The following VPS37A variants were observed in gnomAD, a reference collection of about 807,000 sequenced individuals.
The protein encoded by VPS37A is vacuolar protein sorting-associated protein 37A.
Under a neutral mutation model 49.8 loss-of-function variants are expected in VPS37A, and 30 were observed. The observed-to-expected ratio is 0.60, with a 90% CI of 0.45 to 0.82. The LOEUF (loss-of-function observed/expected upper bound fraction) is 0.82. VPS37A is among the 40% of genes least tolerant of loss of function. VPS37A has a pLI of 0.00. For synonymous variants in VPS37A, 195 were observed against 160.6 expected (o/e 1.21, Z -1.62); for missense variants, 593 against 464.4 (o/e 1.28, Z -2.55).
At chr8:17,309,518 T>A in the VPS37A span, among the ~76,000 whole-genome samples, 3 of 152,176 alleles carry the variant, frequency 2.0e-5, no homozygotes, top group Non-Finnish European at 4.4e-5. Flanking sequence ...AGGTCATCCA[T>A]GGGAACAGTG....
chr8:17,267,317 A>C (rs939200549), intron 2 of VPS37A, among the ~76,000 whole-genome samples: 1 of 152,220 alleles, frequency 6.6e-6, no homozygotes, highest in African/African-American at 2.4e-5. Flanking sequence ...TGTCTGAACC[A>C]TCAGGGGAAC....
At chr8:17,312,980 T>A in the VPS37A span, among the ~76,000 whole-genome samples, 2 of 152,152 alleles carry the variant, frequency 1.3e-5, no homozygotes, top group Admixed American at 1.3e-4. Flanking sequence ...CCAAGCCCCA[T>A]CACTGAAGTA....
At chr8:17,257,153 A>G (rs7841355) in intron 1 of VPS37A, among the ~76,000 whole-genome samples, 79,215 of 151,838 alleles carry the variant, frequency 0.52, 24,060 homozygotes, top group African/African-American at 0.82. Context: ...TAGTTACCCA[A>G]TTTTCCCAGC....
chr8:17,258,190 A>G (rs911958464), intron 1 of VPS37A, among the ~76,000 whole-genome samples: 5 of 152,146 alleles, frequency 3.3e-5, no homozygotes, highest in Non-Finnish European at 7.4e-5. Flanking sequence ...ATTATATTGG[A>G]TAAAAGTTTG....
At chr8:17,264,086 G>A (rs116345092) in intron 1 of VPS37A, among the ~76,000 whole-genome samples, 2,156 of 152,122 alleles carry the variant, frequency 0.014, 59 homozygotes, top group African/African-American at 0.05. Context: ...ATTATTTTGC[G>A]TAATCTAACA....
chr8:17,294,201 C>G (rs953005821), intron 11 of VPS37A, among the ~76,000 whole-genome samples: 13 of 152,162 alleles, frequency 8.5e-5, no homozygotes, highest in African/African-American at 3.1e-4. Flanking sequence ...CTTTGTGGAG[C>G]TGAGGTGGGC....
rs371554786 is a variant in VPS37A at position 17,268,219 on chromosome 8, A to G, written c.201-39A>G. 5 of 1,403,694 alleles carry G rather than the reference A, an allele frequency of 3.6e-6. No homozygotes were observed. The African/African-American group carries it at 7.1e-5, about 20-fold the overall frequency. The allele number at this position is 1,403,694 out of a possible 1,614,324, so 87.0% of individuals were successfully genotyped here. A position where few individuals can be genotyped will look rare whatever the true frequency, so the allele number is the denominator to read the frequency against. Reference sequence around the variant, plus strand: ...TTTGACCATATAATGTACCTTTGTTATCTTTGTTTTTGTTTTTCATCTGTT... The same window carrying G: ...TTTGACCATATAATGTACCTTTGTTGTCTTTGTTTTTGTTTTTCATCTGTT... On this transcript the variant is annotated intron_variant, in intron 2 of 11. Coordinates refer to ENST00000324849, the MANE Select transcript of VPS37A (RefSeq NM_152415.3).
chr8:17,332,701 T>C, the VPS37A span, among the ~76,000 whole-genome samples: 1 of 152,188 alleles, frequency 6.6e-6, no homozygotes, highest in African/African-American at 2.4e-5. Flanking sequence ...ATCATATAGG[T>C]CGAACCATTA....
downstream of VPS37A, chr8:17,298,207 C>CTAAG (rs1191372440): frequency 2.6e-5 from 4 of 151,960 alleles, no homozygotes; most frequent in African/African-American, 9.7e-5. Flanking sequence ...CCACTATATC[C>CTAAG]TAAGTTTTAT....
chr8:17,299,946 C>A (rs142421963), downstream of VPS37A: 1 of 1,614,158 alleles, frequency 6.2e-7, no homozygotes, highest in South Asian at 1.1e-5. Flanking sequence ...CACTTGGAGA[C>A]CGACAGCTCA....
intron 11 of VPS37A, among the ~76,000 whole-genome samples, chr8:17,289,464 C>A (rs144004462): frequency 2.0e-5 from 3 of 152,216 alleles, no homozygotes; most frequent in East Asian, 3.9e-4. Flanking sequence ...ATAGGGAATC[C>A]TTCCCCCATT....
Position 17,296,654 on chromosome 8 carries a change from A to G in VPS37A, c.*1668A>G, listed in dbSNP as rs1187070357. ...GATCTATCTATGTTATTAAGTACCT[A>G]CTAGGAATAAGGCATTGTGGAAATA... On this transcript the variant is annotated 3_prime_UTR_variant, in exon 12 of 12. Transcript: ENST00000324849. The G allele has an allele frequency of 6.6e-6, 1 of 152,150 alleles. No homozygotes were observed. 9.4% of individuals were successfully genotyped at this position (152,150 alleles called of 1,614,324 possible).
At chr8:17,304,257 G>A, downstream of VPS37A, 1 of 1,062,198 alleles carries the variant, frequency 9.4e-7, no homozygotes, top group South Asian at 2.4e-5. Context: ...TCTCCCTCTG[G>A]TGTCTTTTGT....
At chr8:17,270,378 G>A (rs921483357) in intron 4 of VPS37A, among the ~76,000 whole-genome samples, 12 of 152,090 alleles carry the variant, frequency 7.9e-5, no homozygotes, top group Admixed American at 7.2e-4. Flanking sequence ...ACCTGGTGTC[G>A]TCTGGCAGTT....
chr8:17,281,116 C>G (rs1396171225), intron 9 of VPS37A, among the ~76,000 whole-genome samples: 1 of 151,886 alleles, frequency 6.6e-6, no homozygotes, highest in Non-Finnish European at 1.5e-5. Context: ...TAATGAATTT[C>G]AGATAATACG....
At chr8:17,332,357 G>A in the VPS37A span, among the ~76,000 whole-genome samples, 1 of 152,162 alleles carries the variant, frequency 6.6e-6, no homozygotes, top group African/African-American at 2.4e-5. Flanking sequence ...AAAAGTACCA[G>A]CACATAAAAA....
chr8:17,282,016 A>C (rs1335678890), intron 9 of VPS37A, among the ~76,000 whole-genome samples: 1 of 152,074 alleles, frequency 6.6e-6, no homozygotes, highest in Non-Finnish European at 1.5e-5. Flanking sequence ...AATGCCAAGA[A>C]TATTTTTTTT....
At chr8:17,260,113 G>A (rs1006840727) in intron 1 of VPS37A, among the ~76,000 whole-genome samples, 5 of 151,876 alleles carry the variant, frequency 3.3e-5, no homozygotes, top group Admixed American at 3.3e-4. Context: ...ATTGTTTTCT[G>A]GTTGTTCTTA....
downstream of VPS37A, chr8:17,300,161 G>A (rs1420077048): frequency 1.2e-6 from 2 of 1,614,034 alleles, no homozygotes; most frequent in Non-Finnish European, 8.5e-7. Context: ...TGCTTGCTGG[G>A]CTCACTTTGC....
Sources: allele counts gnomAD v4.1 joint callset (sites outside exome capture counted in the v4.1 genomes callset), GRCh38; gene constraint gnomAD v4.1.1; transcripts MANE v1.5; gene names NCBI Gene and HGNC (gene_info 2026-07-23, HGNC 2026-07-21).